Variants in XKR9 observed in about 807,000 individuals in gnomAD.
XKR9 encodes XK-related protein 9.
A neutral mutation model predicts 32.0 loss-of-function variants in XKR9; 32 were observed. That is an observed-to-expected ratio of 1.00 (90% CI 0.76 to 1.34). XKR9 has a LOEUF of 1.34. Among genes scored for constraint, XKR9 ranks in the 40% most tolerant of loss-of-function variants. The probability of loss-of-function intolerance (pLI) is 0.00; values close to 1 mark genes in which losing one functional copy is unlikely to be tolerated. For synonymous variants in XKR9, 168 were observed against 143.4 expected (o/e 1.17, Z -1.22); for missense variants, 546 against 429.7 (o/e 1.27, Z -2.39).
At chr8:70,834,008 G>T in the XKR9 span, among the ~76,000 whole-genome samples, 1 of 152,068 alleles carries the variant, frequency 6.6e-6, no homozygotes, top group Non-Finnish European at 1.5e-5. Flanking sequence ...GGTAGCCATG[G>T]ACTTACTACT....
intron 2 of XKR9, among the ~76,000 whole-genome samples, chr8:70,772,810 G>A (rs1256969252): frequency 6.6e-6 from 1 of 152,098 alleles, no homozygotes; most frequent in African/African-American, 2.4e-5. Context: ...TGCTTTTTAG[G>A]ACTTGCCAAA....
chr8:71,007,939 C>CA, the XKR9 span, among the ~76,000 whole-genome samples: 1 of 150,042 alleles, frequency 6.7e-6, no homozygotes, highest in Non-Finnish European at 1.5e-5. Flanking sequence ...GGTAAAAGGG[C>CA]AAAAAAACAT....
intron 3 of XKR9, among the ~76,000 whole-genome samples, chr8:70,681,645 G>A (rs1819087863): frequency 1.3e-5 from 2 of 152,042 alleles, no homozygotes; most frequent in East Asian, 3.8e-4. Context: ...GTCTGATTGT[G>A]TAAATATGGC....
At chr8:70,818,623 A>C in the XKR9 span, among the ~76,000 whole-genome samples, 1 of 152,228 alleles carries the variant, frequency 6.6e-6, no homozygotes, top group East Asian at 1.9e-4. Context: ...GCAAGTCGCC[A>C]CATGTATGCT....
the XKR9 span, among the ~76,000 whole-genome samples, chr8:70,838,107 G>C: frequency 5.9e-5 from 9 of 152,146 alleles, no homozygotes; most frequent in Middle Eastern, 3.4e-3. Flanking sequence ...AGCTGATCTA[G>C]GGTCAGGCAT....
At chr8:70,895,673 T>A in the XKR9 span, among the ~76,000 whole-genome samples, 21 of 152,044 alleles carry the variant, frequency 1.4e-4, no homozygotes, top group Admixed American at 1.2e-3. Flanking sequence ...AGATGCACAT[T>A]ATCAGGTTGA....
the XKR9 span, among the ~76,000 whole-genome samples, chr8:70,938,291 T>A: frequency 6.6e-5 from 10 of 151,812 alleles, no homozygotes; most frequent in African/African-American, 2.4e-4. Context: ...GTCTGTGTAT[T>A]TAGCAGTCAT....
At chr8:70,854,196 CT>C in the XKR9 span, among the ~76,000 whole-genome samples, 8 of 152,196 alleles carry the variant, frequency 5.3e-5, no homozygotes, top group Non-Finnish European at 1.2e-4. Flanking sequence ...CTGTTGTTTC[CT>C]GACTTTTTAA....
At chr8:70,705,841 T>G (rs1444946839) in intron 3 of XKR9, among the ~76,000 whole-genome samples, 5 of 152,094 alleles carry the variant, frequency 3.3e-5, no homozygotes. Flanking sequence ...ATTATGAGGT[T>G]GTTGAAAGAA....
the XKR9 span, among the ~76,000 whole-genome samples, chr8:70,970,271 C>T: frequency 8.5e-5 from 13 of 152,086 alleles, no homozygotes; most frequent in African/African-American, 3.1e-4. Flanking sequence ...AGTGGGATTG[C>T]TGGATCAAAT....
chr8:70,749,118 C>G (rs1339801877), intron 2 of XKR9, among the ~76,000 whole-genome samples: 1 of 152,208 alleles, frequency 6.6e-6, no homozygotes, highest in Non-Finnish European at 1.5e-5. Context: ...AGGAGTGACC[C>G]ACTTCAGGTC....
chr8:71,022,626 G>A, the XKR9 span, among the ~76,000 whole-genome samples: 1 of 152,130 alleles, frequency 6.6e-6, no homozygotes, highest in African/African-American at 2.4e-5. Flanking sequence ...TCTATGCAGG[G>A]ATCTCCAAGC....
At chr8:70,746,628 T>G (rs188325466) in intron 2 of XKR9, among the ~76,000 whole-genome samples, 2 of 152,098 alleles carry the variant, frequency 1.3e-5, no homozygotes, top group Non-Finnish European at 2.9e-5. Context: ...TTGCCTAGAC[T>G]GGTACAGAAC....
At chr8:70,997,602 G>A in the XKR9 span, among the ~76,000 whole-genome samples, 1 of 151,998 alleles carries the variant, frequency 6.6e-6, no homozygotes, top group African/African-American at 2.4e-5. Context: ...ATGGACGTTG[G>A]GGACACGGGG....
intron 2 of XKR9, among the ~76,000 whole-genome samples, chr8:70,742,421 A>C (rs1807000911): frequency 6.6e-6 from 1 of 152,232 alleles, no homozygotes; most frequent in South Asian, 2.1e-4. Flanking sequence ...GCTGCTTGGC[A>C]GCACTTGATT....
chr8:70,946,757 C>T, the XKR9 span, among the ~76,000 whole-genome samples: 2 of 152,184 alleles, frequency 1.3e-5, no homozygotes, highest in Admixed American at 1.3e-4. Flanking sequence ...TTTCTCCTCT[C>T]TCTCTGGTTA....
At chr8:70,863,133 A>G in the XKR9 span, among the ~76,000 whole-genome samples, 2 of 152,178 alleles carry the variant, frequency 1.3e-5, no homozygotes, top group Non-Finnish European at 2.9e-5. Context: ...GGGCTATGTT[A>G]AGCACTTTGC....
At chr8:70,902,446 T>A in the XKR9 span, among the ~76,000 whole-genome samples, 1 of 152,232 alleles carries the variant, frequency 6.6e-6, no homozygotes, top group African/African-American at 2.4e-5. Context: ...ATGATTTGGC[T>A]CTCTGTTTGT....
intron 4 of XKR9, among the ~76,000 whole-genome samples, chr8:70,710,763 A>C (rs866177373): frequency 1.4e-5 from 2 of 143,182 alleles, no homozygotes; most frequent in African/African-American, 5.9e-5. Flanking sequence ...CAATTGCAAC[A>C]AAAAAAAAGT....
Sources: gnomAD v4.1 joint callset for allele counts (sites outside exome capture counted in the v4.1 genomes callset) on GRCh38, gnomAD v4.1.1 for gene constraint, MANE v1.5 for transcripts, NCBI Gene and HGNC (gene_info 2026-07-23, HGNC 2026-07-21) for gene names.